SWT1: variants seen among roughly 807,000 people sequenced by gnomAD.
The protein encoded by SWT1 is transcriptional protein SWT1.
Under a neutral mutation model 107.3 loss-of-function variants are expected in SWT1, and 33 were observed. That is an observed-to-expected ratio of 0.31 (90% CI 0.23 to 0.41). SWT1 has a LOEUF of 0.41. Among genes scored for constraint, SWT1 ranks in the 10% least tolerant of loss-of-function variants. The pLI is 1.00. For missense variants in SWT1, 898 were observed against 1,028.9 expected, an observed-to-expected ratio of 0.87 and a Z score of 1.74; for synonymous variants, 345 against 348.3, an observed-to-expected ratio of 0.99 and a Z score of 0.11.
intron 5 of SWT1, among the ~76,000 whole-genome samples, chr1:185,175,715 A>C (rs1253255460): frequency 2.0e-5 from 3 of 152,244 alleles, no homozygotes; most frequent in Admixed American, 2.0e-4. Flanking sequence ...AGTTATAGAT[A>C]GTCCTTTGAA....
intron 5 of SWT1, chr1:185,176,843 G>T (rs1448741182): frequency 2.5e-6 from 1 of 399,586 alleles, no homozygotes; most frequent in Non-Finnish European, 3.4e-6. Flanking sequence ...AATTAGCTGG[G>T]CATGGTGGCA....
chr1:185,161,627 G>A (rs555743944), intron 2 of SWT1, among the ~76,000 whole-genome samples: 187 of 152,092 alleles, frequency 1.2e-3, no homozygotes, highest in Non-Finnish European at 2.3e-3. Flanking sequence ...CTTGAGCCAC[G>A]GAGACCAAGG....
At chr1:185,227,132 T>C (rs1005149098) in intron 15 of SWT1, 21 of 1,226,918 alleles carry the variant, frequency 1.7e-5, no homozygotes, top group Non-Finnish European at 2.4e-5. Flanking sequence ...CTGCATTAAA[T>C]TCCTTGCTTT....
At chr1:185,209,311 G>A (rs559280256) in intron 13 of SWT1, among the ~76,000 whole-genome samples, 1 of 152,012 alleles carries the variant, frequency 6.6e-6, no homozygotes, top group East Asian at 1.9e-4. Flanking sequence ...CACGTTCCAT[G>A]GGGGTTTGCT....
Position 185,220,479 on chromosome 1 carries a change from T to C in SWT1, c.2122-1370T>C, listed in dbSNP as rs116878432. On this transcript the variant is annotated intron_variant, in intron 14 of 18. Transcript: ENST00000367500. ...CTGACTCCCTTGGCTTCTATTGTTA[T>C]TGCATACTGATTCTTCCCCTCTTAT... Among the ~76,000 whole-genome samples the C allele has an allele frequency of 5.9e-3, 895 of 152,320 alleles. 34 individuals carry two copies. The East Asian group carries it at 0.095, about 16-fold the overall frequency.
chr1:185,196,343 A>G (rs1039467591), intron 10 of SWT1, among the ~76,000 whole-genome samples: 4 of 152,126 alleles, frequency 2.6e-5, no homozygotes, highest in Non-Finnish European at 4.4e-5. Flanking sequence ...CCATTGGTCT[A>G]TATCTCTGTT....
chr1:185,271,335 A>T lies in SWT1; in HGVS notation c.2454A>T (p.Pro818=). Residue 818 remains proline (P), a synonymous_variant, in exon 17 of 19, where the codon CCA becomes CCT. Transcript: ENST00000367500. Reference sequence around the variant, plus strand: ...TTTTATTTTTTAGGATTTTGGCCCCAAACAGTAATTATCAAGATGTTGAGA... The same window carrying T: ...TTTTATTTTTTAGGATTTTGGCCCCTAACAGTAATTATCAAGATGTTGAGA... ...ILEGIQRILA[P]NSNYQDVETL... The T allele has an allele frequency of 6.6e-7, 1 of 1,523,290 alleles. No homozygotes were observed. 94.4% of individuals were successfully genotyped at this position (1,523,290 alleles called of 1,614,324 possible).
chr1:185,208,516 A>T (rs1259064861), intron 13 of SWT1, among the ~76,000 whole-genome samples: 2 of 152,192 alleles, frequency 1.3e-5, no homozygotes, highest in Non-Finnish European at 2.9e-5. Context: ...TTCCTATCAC[A>T]AAGAAATGAT....
At chr1:185,167,573 C>G (rs144669476) in intron 3 of SWT1, among the ~76,000 whole-genome samples, 1 of 152,172 alleles carries the variant, frequency 6.6e-6, no homozygotes, top group Non-Finnish European at 1.5e-5. Context: ...CTTGAAACAC[C>G]GATTTCATCC....
At position 185,174,896 on chromosome 1, in the gene SWT1, A is replaced by C; in HGVS notation, c.749A>C (p.Glu250Ala). The change falls in exon 5 of 19, where the codon GAA becomes GCA. Residue 250 changes from glutamate to alanine, a missense_variant. By Grantham distance (107) the Glu-to-Ala change is moderately radical. Around this residue, in one of 6 missense-constraint regions of SWT1, gnomAD observed 382 missense variants for 362.4 expected, o/e 1.05. Transcript: ENST00000367500. ...GACACCCTCCAGAAACTTGTAGAAG[A>C]AAATGTCTTCAACATAGATTCTAAT... Reference protein sequence around the residue: ...SRDTLQKLVEENVFNIDSNNS... With the variant: ...SRDTLQKLVEANVFNIDSNNS... 6.2e-7 allele frequency: 1 copy of C among 1,614,088 alleles called. No homozygotes were observed. Among genetic ancestry groups the C allele is most frequent in the South Asian group, 1.1e-5 (1 of 91,078 alleles).
chr1:185,190,538 TA>T lies in SWT1; in HGVS notation c.1430-8del. 1 of 1,558,674 alleles carries T rather than the reference TA, an allele frequency of 6.4e-7. No individual in the cohort carries two copies. The highest frequency in any genetic ancestry group is 8.8e-7 in the Non-Finnish European group (1 of 1,130,816). On this transcript the variant is annotated splice_polypyrimidine_tract_variant and intron_variant, in intron 9 of 18. Transcript: ENST00000367500. ...TGTACTTACTGACTGTTGCCTTTACTAAATTTGCAGATGGATTGAGTGATGA... is the reference window on the plus strand; with the variant it reads ...TGTACTTACTGACTGTTGCCTTTACTAATTTGCAGATGGATTGAGTGATGA...
intron 13 of SWT1, among the ~76,000 whole-genome samples, chr1:185,207,311 A>G (rs1658413088): frequency 6.6e-6 from 1 of 152,226 alleles, no homozygotes; most frequent in African/African-American, 2.4e-5. Context: ...TATATTGAAC[A>G]GAACTTTTGG....
intron 14 of SWT1, among the ~76,000 whole-genome samples, chr1:185,218,455 A>G (rs1160750258): frequency 6.6e-6 from 1 of 152,118 alleles, no homozygotes; most frequent in Non-Finnish European, 1.5e-5. Context: ...AACCACAGGC[A>G]TGTGCCACAA....
chr1:185,168,505 C>T (rs908920130), intron 4 of SWT1, 107 bp downstream of exon 4: 2 of 479,030 alleles, frequency 4.2e-6, no homozygotes, highest in Non-Finnish European at 6.7e-6. Context: ...GCTTTGCATG[C>T]AAATATCTCT....
chr1:185,222,969 C>G (rs1659784645), intron 15 of SWT1, among the ~76,000 whole-genome samples: 1 of 152,134 alleles, frequency 6.6e-6, no homozygotes, highest in Non-Finnish European at 1.5e-5. Context: ...TCTACTCTGC[C>G]TCTGTGAGAT....
chr1:185,233,892 C>T lies in SWT1; in HGVS notation c.2441+2184C>T, dbSNP rs12066400. On this transcript the variant is annotated intron_variant, in intron 16 of 18. Transcript: ENST00000367500. ...CCAAGTAGCTGGGACTACAGGCACC[C>T]GCCACCATGCCCAGCTAATTTTTTT... is the stretch of plus-strand genomic sequence containing the variant. Among the ~76,000 whole-genome samples, 1,270 of 152,122 alleles carry T rather than the reference C, an allele frequency of 8.3e-3. 22 individuals carry two copies. The highest frequency in any genetic ancestry group is 0.029 in the African/African-American group (1,209 of 41,508).
Position 185,221,999 on chromosome 1 carries a change from A to G in SWT1, c.2272A>G (p.Ile758Val), listed in dbSNP as rs1659693691. 2.5e-6 allele frequency: 4 copies of G among 1,598,722 alleles called. No homozygotes were observed. Among genetic ancestry groups the G allele is most frequent in the Middle Eastern group, 1.7e-4 (1 of 6,004 alleles). ...CAGCAGGCATCAAGAAATCTGGTCT[A>G]TCCTAGAGAGTGTTTGGATTACAAT... ...QPSRHQEIWS[I>V]LESVWITIYQ... The change falls in exon 15 of 19, where the codon ATC (isoleucine) becomes GTC (valine). Residue 758 changes from isoleucine (I) to valine (V), a missense_variant. Coordinates refer to ENST00000367500, the MANE Select transcript of SWT1 (RefSeq NM_017673.7).
intron 9 of SWT1, among the ~76,000 whole-genome samples, chr1:185,187,685 T>C (rs1245514955): frequency 6.6e-6 from 1 of 151,776 alleles, no homozygotes; most frequent in Middle Eastern, 3.2e-3. Context: ...TCTTTTTAAA[T>C]TTTTTTTTAT....
intron 13 of SWT1, among the ~76,000 whole-genome samples, chr1:185,208,867 G>A (rs1008569151): frequency 6.6e-6 from 1 of 151,852 alleles, no homozygotes; most frequent in African/African-American, 2.4e-5. Flanking sequence ...GTAAGGGAAA[G>A]CTTTTATTGG....
Sources: allele counts gnomAD v4.1 joint callset (sites outside exome capture counted in the v4.1 genomes callset), GRCh38; gene constraint gnomAD v4.1.1; regional missense constraint gnomAD v4.1.1; transcripts MANE v1.5; gene names NCBI Gene and HGNC (gene_info 2026-07-23, HGNC 2026-07-21).